PARD3B: variants seen among roughly 807,000 people sequenced by gnomAD.
PARD3B encodes the protein par-3 family cell polarity regulator beta, also known as partitioning defective 3 homolog B.
A neutral mutation model predicts 130.2 loss-of-function variants in PARD3B; 103 were observed. That is an observed-to-expected ratio of 0.79 (90% CI 0.67 to 0.93). PARD3B has a LOEUF of 0.93. Among genes scored for constraint, PARD3B ranks in the 40% least tolerant of loss-of-function variants. The pLI is 0.00. For synonymous variants in PARD3B, 583 were observed against 553.2 expected (o/e 1.05, Z -0.76); for missense variants, 1,609 against 1,499.2 (o/e 1.07, Z -1.21).
rs555710049 is a variant in PARD3B, at chr2:205,498,073, G to A, written c.3045-1823G>A. 5.9e-5 allele frequency among the ~76,000 whole-genome samples: 9 copies of A among 151,670 alleles called. No homozygotes were observed. The South Asian group carries it at 8.4e-4, about 14-fold the overall frequency. On this transcript the variant is annotated intron_variant, in intron 20 of 22. Transcript: ENST00000406610. ...GAATTTGCTGGGCGTGGTGGCAGGC[G>A]CCTGTAATCTCAGCTATTTTGGATG...
intron 2 of PARD3B, among the ~76,000 whole-genome samples, chr2:204,838,211 C>T (rs907457837): frequency 7.1e-6 from 1 of 140,578 alleles, no homozygotes. Context: ...GAGAAGGAGT[C>T]TCACTCTGTC....
At chr2:204,796,175 C>T (rs1291383833) in intron 2 of PARD3B, among the ~76,000 whole-genome samples, 1 of 152,182 alleles carries the variant, frequency 6.6e-6, no homozygotes, top group Non-Finnish European at 1.5e-5. Flanking sequence ...ATCCCAATTG[C>T]TGTGTGTAGT....
At position 205,116,663 on chromosome 2, in the gene PARD3B, T is replaced by A. The variant is rs779545235; in HGVS notation, c.681-2258T>A. ...CAGGGCAAAGAGGATAATGAGGTAT[T>A]GTTTTCTGAGCCTTCTTGTATTGGT... On this transcript the variant is annotated intron_variant, in intron 6 of 22. Coordinates refer to ENST00000406610, the MANE Select transcript of PARD3B (RefSeq NM_001302769.2). The surrounding 1 kb of genome is among the most constrained non-coding windows in gnomAD (Gnocchi z 4.5). Among the ~76,000 whole-genome samples, 7 of 152,140 alleles carry A rather than the reference T, an allele frequency of 4.6e-5. No individual in the cohort carries two copies. The highest frequency in any genetic ancestry group is 8.8e-5 in the Non-Finnish European group (6 of 68,018).
intron 1 of PARD3B, among the ~76,000 whole-genome samples, chr2:204,599,580 G>A (rs1177312562): frequency 6.6e-6 from 1 of 151,842 alleles, no homozygotes; most frequent in African/African-American, 2.4e-5. Context: ...TTCTGTATCA[G>A]TTCATCTTTC....
At position 204,906,203 on chromosome 2, in the gene PARD3B, G is replaced by A. The variant is rs1329570010; in HGVS notation, c.223-58949G>A. On this transcript the variant is annotated intron_variant, in intron 2 of 22. Transcript: ENST00000406610. The surrounding 1 kb of genome is among the most constrained non-coding windows in gnomAD (Gnocchi z 4.3). The stretch of plus-strand genomic sequence containing the variant: ...ACTTAAGTAATTATTTAGAAGTCAT[G>A]GTAACTATTTGTCAAAAAGTAAAAT... Among the ~76,000 whole-genome samples the A allele has an allele frequency of 6.6e-6, 1 of 152,128 alleles. No homozygotes were observed.
intron 21 of PARD3B, among the ~76,000 whole-genome samples, chr2:205,552,236 CAACACTAGATAGAA>C (rs1207526023): frequency 6.6e-6 from 1 of 151,658 alleles, no homozygotes; most frequent in African/African-American, 2.4e-5. Flanking sequence ...CAGTAAAGAC[CAACACTAGATAGAA>C]AACAGTTCAT....
rs1442190196 is a variant in PARD3B, at chr2:205,116,191, A to C, written c.680+2614A>C. Among the ~76,000 whole-genome samples, 2 of 152,222 alleles carry C rather than the reference A, an allele frequency of 1.3e-5. No individual in the cohort carries two copies. The highest frequency in any genetic ancestry group is 1.9e-4 in the East Asian group (1 of 5,200). ...ACTAAAATGCAACTTAATTTTATTC[A>C]GATTTTTAAAATCAATGTGGTTTTT... On this transcript the variant is annotated intron_variant, in intron 6 of 22. Coordinates refer to ENST00000406610, the MANE Select transcript of PARD3B (RefSeq NM_001302769.2). The surrounding 1 kb of genome is among the most constrained non-coding windows in gnomAD (Gnocchi z 4.5).
At chr2:205,544,149 C>G (rs916018921) in intron 21 of PARD3B, among the ~76,000 whole-genome samples, 1 of 152,072 alleles carries the variant, frequency 6.6e-6, no homozygotes, top group East Asian at 1.9e-4. Context: ...ATATTAGCAT[C>G]TAGTGATTGA....
intron 3 of PARD3B, among the ~76,000 whole-genome samples, chr2:205,047,309 T>C (rs1698862676): frequency 6.6e-6 from 1 of 152,206 alleles, no homozygotes; most frequent in East Asian, 1.9e-4. Context: ...CACAGTCAAC[T>C]TGTGCATTGC....
At chr2:205,566,607 C>G (rs1388792108) in intron 22 of PARD3B, among the ~76,000 whole-genome samples, 1 of 152,136 alleles carries the variant, frequency 6.6e-6, no homozygotes, top group East Asian at 1.9e-4. Flanking sequence ...TTTGAGGTAC[C>G]TTTCAGACTT....
At chr2:204,882,625 C>T (rs529152445) in intron 2 of PARD3B, among the ~76,000 whole-genome samples, 2 of 152,290 alleles carry the variant, frequency 1.3e-5, no homozygotes, top group African/African-American at 4.8e-5. Flanking sequence ...GGGCTACAAA[C>T]AAAGAGTCCT....
At chr2:205,022,576 A>G (rs1239708230) in intron 3 of PARD3B, among the ~76,000 whole-genome samples, 2 of 152,186 alleles carry the variant, frequency 1.3e-5, no homozygotes, top group African/African-American at 2.4e-5. Flanking sequence ...TTAGATTACA[A>G]TAGAATTAAC....
chr2:205,350,844 T>C (rs1369378758), intron 18 of PARD3B, among the ~76,000 whole-genome samples: 4 of 152,182 alleles, frequency 2.6e-5, no homozygotes. Context: ...ATACTACCCA[T>C]TTTGTTTGGT....
intron 18 of PARD3B, among the ~76,000 whole-genome samples, chr2:205,365,486 T>A (rs923559492): frequency 1.3e-4 from 20 of 150,888 alleles, no homozygotes; most frequent in African/African-American, 4.6e-4. Context: ...GACACAGGCC[T>A]GCTGTCTTCC....
intron 15 of PARD3B, among the ~76,000 whole-genome samples, chr2:205,216,000 AGTGTGTATGTGT>A (rs2037886441): frequency 6.6e-6 from 1 of 152,094 alleles, no homozygotes; most frequent in South Asian, 2.1e-4. Context: ...CAATTATAGT[AGTGTGTATGTGT>A]GTGTGTATGT....
intron 19 of PARD3B, among the ~76,000 whole-genome samples, chr2:205,434,589 TA>T (rs994694152): frequency 9.9e-5 from 15 of 152,168 alleles, no homozygotes; most frequent in African/African-American, 3.1e-4. Context: ...AAAGAATTGT[TA>T]AGGTCATTGT....
rs148623035 is a variant in PARD3B, at chr2:204,787,444, CA to C, written c.222+101163del. Among the ~76,000 whole-genome samples, 962 of 152,218 alleles carry C rather than the reference CA, an allele frequency of 6.3e-3. 10 individuals carry two copies. Among genetic ancestry groups the C allele is most frequent in the African/African-American group, 0.022 (895 of 41,526 alleles). On this transcript the variant is annotated intron_variant, in intron 2 of 22. Coordinates refer to ENST00000406610, the MANE Select transcript of PARD3B (RefSeq NM_001302769.2). Reference sequence around the variant, plus strand: ...AATTATGTTGTGAAATATATAGTCTCAGCACCATTGCCACTGGAGGTGGCAA... The same window carrying C: ...AATTATGTTGTGAAATATATAGTCTCGCACCATTGCCACTGGAGGTGGCAA...
chr2:204,842,294 GAC>G (rs1188792115), intron 2 of PARD3B, among the ~76,000 whole-genome samples: 1 of 152,116 alleles, frequency 6.6e-6, no homozygotes, highest in East Asian at 1.9e-4. Context: ...TAGATTTGTT[GAC>G]ACCAGCATGG....
chr2:204,905,972 T>C (rs2047029459), intron 2 of PARD3B, among the ~76,000 whole-genome samples: 1 of 152,156 alleles, frequency 6.6e-6, no homozygotes. Flanking sequence ...TTCTTGGGGT[T>C]AATCTAGGAA....
Sources: gnomAD v4.1 joint callset for allele counts (sites outside exome capture counted in the v4.1 genomes callset) on GRCh38, gnomAD v4.1.1 for gene constraint, Gnocchi (gnomAD v3.1) non-coding constraint, MANE v1.5 for transcripts, NCBI Gene and HGNC (gene_info 2026-07-23, HGNC 2026-07-21) for gene names.